The following PATL2 variants were observed in gnomAD, a reference collection of about 807,000 sequenced individuals.
PATL2 encodes protein PAT1 homolog 2.
PATL2 carries 73 observed loss-of-function variants against 77.0 expected under a neutral mutation model. The ratio of observed to expected loss-of-function variants is 0.95; its 90% CI spans 0.78 to 1.15. The LOEUF is 1.15. Among genes scored for constraint, PATL2 ranks in the 50% most tolerant of loss-of-function variants. The pLI, the probability that PATL2 is intolerant of heterozygous loss-of-function variation, is 0.00. For synonymous variants in PATL2, 265 were observed against 257.1 expected (o/e 1.03, Z -0.29); for missense variants, 618 against 655.4 (o/e 0.94, Z 0.62).
chr15:44,669,077 C>T lies in PATL2; in HGVS notation c.1127G>A (p.Arg376Gln), dbSNP rs772844997. ...ATCCTGGGGCAGGAAGGGGAGCAGCCGGGCCACCAGGGCCTTCCCCTTCCT... is the reference window on the plus strand; with the variant it reads ...ATCCTGGGGCAGGAAGGGGAGCAGCTGGGCCACCAGGGCCTTCCCCTTCCT... ...SVRKGKALVARLLPFLPQDQA... is the reference protein window; with the variant it reads ...SVRKGKALVAQLLPFLPQDQA... Residue 376 changes from arginine (R) to glutamine (Q), a missense_variant, in exon 14 of 18, where the codon CGG becomes CAG. Coordinates refer to ENST00000682850, the MANE Select transcript of PATL2 (RefSeq NM_001387263.1). The T allele has an allele frequency of 9.7e-6, 15 of 1,550,946 alleles. No individual in the cohort carries two copies. The highest frequency in any genetic ancestry group is 4.1e-5 in the African/African-American group (3 of 73,032).
Position 44,673,296 on chromosome 15 carries a change from GC to G in PATL2, c.384del (p.Leu129CysfsTer13). ...AAGAGAGTTGGGTCTGGTGAGGGCA[GC>G]CGAGGTCCAAAGTGCTGTGCTGGAG... is the stretch of plus-strand genomic sequence containing the variant. ...TSSPAQHFGPRLPSPDPTLFC... is the reference protein window; with the variant it reads ...TSSPAQHFGPXLPSPDPTLFC... On this transcript the variant is annotated frameshift_variant, in exon 7 of 18. Coordinates refer to ENST00000682850, the MANE Select transcript of PATL2 (RefSeq NM_001387263.1). LOFTEE classifies it high-confidence loss of function. 1.3e-6 allele frequency: 2 copies of G among 1,551,690 alleles called. No homozygotes were observed. Among genetic ancestry groups the G allele is most frequent in the Non-Finnish European group, 1.7e-6 (2 of 1,146,980 alleles).
intron 3 of PATL2, among the ~76,000 whole-genome samples, chr15:44,683,192 G>T (rs1369149482): frequency 2.7e-5 from 4 of 149,760 alleles, no homozygotes; most frequent in Non-Finnish European, 6.0e-5. Context: ...GCTAGCTGCA[G>T]TTTTTTTTTT....
At chr15:44,686,705 A>T (rs2086265975) in intron 3 of PATL2, among the ~76,000 whole-genome samples, 1 of 152,172 alleles carries the variant, frequency 6.6e-6, no homozygotes. Context: ...AGACACAATA[A>T]AAAATGATAA....
intron 3 of PATL2, among the ~76,000 whole-genome samples, chr15:44,687,169 C>G (rs1419422140): frequency 1.3e-5 from 2 of 152,150 alleles, no homozygotes; most frequent in African/African-American, 4.8e-5. Flanking sequence ...AAAATACTGG[C>G]AAACCAAATC....
intron 3 of PATL2, among the ~76,000 whole-genome samples, chr15:44,679,183 C>T (rs1312486278): frequency 2.6e-5 from 4 of 152,144 alleles, no homozygotes; most frequent in African/African-American, 9.7e-5. Context: ...CTGCCTCAGC[C>T]TCCAGAGTAG....
Position 44,669,575 on chromosome 15 carries a change from G to T in PATL2, c.877-12C>A. 6.4e-7 allele frequency: 1 copy of T among 1,550,392 alleles called. No individual in the cohort carries two copies. The highest frequency in any genetic ancestry group is 8.7e-7 in the Non-Finnish European group (1 of 1,146,532). On this transcript the variant is annotated splice_polypyrimidine_tract_variant and intron_variant, in intron 11 of 17. Coordinates refer to ENST00000682850, the MANE Select transcript of PATL2 (RefSeq NM_001387263.1). ...GCAGCTTCTATATCCTAGGAGAAGG[G>T]AGTCACCAGCTATCAGCTACACTGC...
At chr15:44,678,334 A>G (rs2086041833) in intron 3 of PATL2, among the ~76,000 whole-genome samples, 1 of 152,176 alleles carries the variant, frequency 6.6e-6, no homozygotes, top group Non-Finnish European at 1.5e-5. Flanking sequence ...TTTCATTCTG[A>G]AGGGACTTCT....
chr15:44,708,886 C>T (rs17235808), intron 3 of PATL2, among the ~76,000 whole-genome samples: 64 of 152,154 alleles, frequency 4.2e-4, no homozygotes, highest in Admixed American at 8.5e-4. Flanking sequence ...AAAGAGCTGT[C>T]GAAGTGTTTT....
chr15:44,700,965 T>G lies in PATL2; in HGVS notation c.-76+9131A>C, dbSNP rs573418604. The stretch of plus-strand genomic sequence containing the variant: ...TTCTATGTCCAGTTTTTGGGGGGGG[T>G]TTTATCATGAAGGGATGTTGAATTT... On this transcript the variant is annotated intron_variant, in intron 3 of 17. Coordinates refer to ENST00000682850, the MANE Select transcript of PATL2 (RefSeq NM_001387263.1). 7.9e-4 allele frequency among the ~76,000 whole-genome samples: 120 copies of G among 152,054 alleles called. No homozygotes were observed. The South Asian group carries it at 9.4e-3, about 12-fold the overall frequency.
chr15:44,672,189 A>G, intron 8 of PATL2, 33 bp from the exon 9 acceptor site: 1 of 1,551,526 alleles, frequency 6.4e-7, no homozygotes, highest in Non-Finnish European at 8.7e-7. Context: ...CTTTAGACTT[A>G]CCCACCACTG....
At chr15:44,697,894 T>C (rs941396020) in intron 3 of PATL2, among the ~76,000 whole-genome samples, 2 of 150,770 alleles carry the variant, frequency 1.3e-5, no homozygotes, top group South Asian at 4.3e-4. Flanking sequence ...GCTTTCCCAC[T>C]TTTTTTTTAT....
intron 6 of PATL2, among the ~76,000 whole-genome samples, chr15:44,673,646 C>CA (rs1566854737): frequency 1.3e-5 from 2 of 152,174 alleles, no homozygotes; most frequent in African/African-American, 4.8e-5. Context: ...GTCAACACTT[C>CA]TCACCCTCCT....
chr15:44,690,155 C>T (rs2086356822), intron 3 of PATL2, among the ~76,000 whole-genome samples: 1 of 152,050 alleles, frequency 6.6e-6, no homozygotes, highest in African/African-American at 2.4e-5. Flanking sequence ...CGCCATTGCA[C>T]TCCAGCCTGG....
At chr15:44,695,185 C>CA (rs879624743) in intron 3 of PATL2, among the ~76,000 whole-genome samples, 2,448 of 132,212 alleles carry the variant, frequency 0.019, 68 homozygotes, top group African/African-American at 0.059. Flanking sequence ...GAGACTCCCT[C>CA]AAAAAAAAAA....
intron 3 of PATL2, among the ~76,000 whole-genome samples, chr15:44,693,821 T>C (rs1297205473): frequency 2.0e-5 from 3 of 151,948 alleles, no homozygotes; most frequent in African/African-American, 4.8e-5. Flanking sequence ...TGCCTCAGCC[T>C]CCCAATTAGG....
intron 3 of PATL2, among the ~76,000 whole-genome samples, chr15:44,705,404 A>T (rs1473396837): frequency 1.3e-5 from 2 of 151,574 alleles, no homozygotes; most frequent in African/African-American, 4.9e-5. Flanking sequence ...CTGCTCTCGA[A>T]CTCCTGACCT....
chr15:44,683,928 C>A (rs1177493943), intron 3 of PATL2, among the ~76,000 whole-genome samples: 3 of 152,180 alleles, frequency 2.0e-5, no homozygotes, highest in Non-Finnish European at 2.9e-5. Flanking sequence ...GTTCTGCAGT[C>A]TCCGCTGGTG....
intron 3 of PATL2, among the ~76,000 whole-genome samples, chr15:44,692,107 A>G (rs564319430): frequency 3.3e-5 from 5 of 152,352 alleles, no homozygotes; most frequent in African/African-American, 1.2e-4. Flanking sequence ...TGTCCATGAT[A>G]AACGGTTAAA....
At position 44,675,533 on chromosome 15, in the gene PATL2, T is replaced by A; in HGVS notation, c.175A>T (p.Asn59Tyr). ...AGTACAGCTGGATCCCCAAGATCATTCTCTTCCTCCTCTAGGTCTGGGTCC... is the reference window on the plus strand; with the variant it reads ...AGTACAGCTGGATCCCCAAGATCATACTCTTCCTCCTCTAGGTCTGGGTCC... ...DLDPDLEEEE[N>Y]DLGDPAVLGA... is the part of the protein sequence containing the mutation. Residue 59 changes from asparagine (N) to tyrosine (Y), a missense_variant, in exon 5 of 18, where the codon AAT becomes TAT. Physicochemically the swap from Asn to Tyr is moderately radical, Grantham distance 143. Transcript: ENST00000682850. 6.4e-7 allele frequency: 1 copy of A among 1,551,744 alleles called. No individual in the cohort carries two copies. Among genetic ancestry groups the A allele is most frequent in the Middle Eastern group, 1.7e-4 (1 of 5,994 alleles).
Sources: allele counts gnomAD v4.1 joint callset (sites outside exome capture counted in the v4.1 genomes callset), GRCh38; gene constraint gnomAD v4.1.1; transcripts MANE v1.5; gene names NCBI Gene and HGNC (gene_info 2026-07-23, HGNC 2026-07-21).